The following ZFYVE16 variants were observed in gnomAD, a reference collection of about 807,000 sequenced individuals.
ZFYVE16 encodes the protein zinc finger FYVE domain-containing protein 16.
A neutral mutation model predicts 138.1 loss-of-function variants in ZFYVE16; 89 were observed. The ratio of observed to expected loss-of-function variants is 0.64; its 90% confidence interval spans 0.54 to 0.77. The LOEUF (loss-of-function observed/expected upper bound fraction) is 0.77. ZFYVE16 is among the 30% of genes least tolerant of loss of function. ZFYVE16 has a pLI of 0.00. For synonymous variants in ZFYVE16, 596 were observed against 618.3 expected (o/e 0.96, Z 0.53); for missense variants, 1,793 against 1,786.7 (o/e 1.00, Z -0.06).
At chr5:80,455,475 A>C (rs111753038) in intron 11 of ZFYVE16, 8 of 452,570 alleles carry the variant, frequency 1.8e-5, no homozygotes, top group Admixed American at 4.2e-5. Context: ...TGGAGGTTGC[A>C]ATGAGTCGAG....
At chr5:80,450,267 TCTTA>T (rs3072025) in intron 9 of ZFYVE16, among the ~76,000 whole-genome samples, 160 bp from the exon 10 acceptor site, 117,558 of 151,560 alleles carry the variant, frequency 0.78, 48,762 homozygotes, top group East Asian at 0.92. Context: ...TAATCCTTTT[TCTTA>T]CTTTATATAA....
At chr5:80,445,786 T>C (rs908284488) in intron 7 of ZFYVE16, among the ~76,000 whole-genome samples, 3 of 151,666 alleles carry the variant, frequency 2.0e-5, no homozygotes, top group Admixed American at 6.6e-5. Flanking sequence ...AGAGATGTGG[T>C]CTCACTATTT....
chr5:80,416,204 A>G (rs1013628378), intron 1 of ZFYVE16, among the ~76,000 whole-genome samples: 1 of 149,990 alleles, frequency 6.7e-6, no homozygotes, highest in Non-Finnish European at 1.5e-5. Context: ...CTTTTCCCCA[A>G]TTATTTATTC....
At chr5:80,443,527 G>T (rs1750956094) in intron 6 of ZFYVE16, among the ~76,000 whole-genome samples, 1 of 152,186 alleles carries the variant, frequency 6.6e-6, no homozygotes, top group Non-Finnish European at 1.5e-5. Context: ...CTACAAAAGG[G>T]GAGAGGCTAG....
chr5:80,457,611 A>G (rs1752650615), intron 14 of ZFYVE16, among the ~76,000 whole-genome samples: 1 of 152,240 alleles, frequency 6.6e-6, no homozygotes, highest in East Asian at 1.9e-4. Flanking sequence ...TAAAATTAAT[A>G]TATTATTATA....
intron 3 of ZFYVE16, among the ~76,000 whole-genome samples, chr5:80,434,602 A>G (rs1276651760): frequency 4.6e-5 from 7 of 151,788 alleles, no homozygotes; most frequent in Non-Finnish European, 7.4e-5. Context: ...TCAGCCTCCA[A>G]GTGGGACCAT....
chr5:80,461,603 G>A (rs111313110), intron 15 of ZFYVE16, among the ~76,000 whole-genome samples: 1 of 152,166 alleles, frequency 6.6e-6, no homozygotes, highest in African/African-American at 2.4e-5. Context: ...TTCTGGTAAG[G>A]CTTGTCTCCT....
intron 2 of ZFYVE16, among the ~76,000 whole-genome samples, chr5:80,431,562 A>G (rs1289324086): frequency 2.0e-5 from 3 of 152,338 alleles, no homozygotes; most frequent in Non-Finnish European, 2.9e-5. Context: ...ACTCCTATTC[A>G]ACATAGTTTT....
chr5:80,418,212 T>G (rs1214477962), intron 1 of ZFYVE16, among the ~76,000 whole-genome samples: 2 of 150,484 alleles, frequency 1.3e-5, no homozygotes, highest in East Asian at 4.0e-4. Flanking sequence ...TCTCTCCTCT[T>G]TCTCCTCTCC....
chr5:80,473,963 A>AT (rs1754642271), intron 17 of ZFYVE16, 104 bp downstream of exon 17: 1 of 777,268 alleles, frequency 1.3e-6, no homozygotes, highest in Non-Finnish European at 2.1e-6. Flanking sequence ...ATAGCTTATT[A>AT]TACTTTTTAT....
At chr5:80,470,230 T>C (rs1384952185) in intron 15 of ZFYVE16, among the ~76,000 whole-genome samples, 2 of 150,510 alleles carry the variant, frequency 1.3e-5, no homozygotes, top group Non-Finnish European at 3.0e-5. Flanking sequence ...GCCTCCCGAG[T>C]AGCTGGGACT....
chr5:80,433,967 A>C, intron 2 of ZFYVE16, 142 bp from the exon 3 acceptor site: 2 of 518,326 alleles, frequency 3.9e-6, no homozygotes, highest in Non-Finnish European at 3.3e-6. Flanking sequence ...AGTTTCCCCA[A>C]CTAAATTGTA....
At chr5:80,408,727 A>G (rs1235560965) in intron 1 of ZFYVE16, among the ~76,000 whole-genome samples, 1 of 152,222 alleles carries the variant, frequency 6.6e-6, no homozygotes, top group Non-Finnish European at 1.5e-5. Context: ...AGAGGACCTT[A>G]TTTTTAACTC....
intron 1 of ZFYVE16, among the ~76,000 whole-genome samples, chr5:80,416,216 A>T (rs1025076340): frequency 6.9e-6 from 1 of 145,482 alleles, no homozygotes. Flanking sequence ...TATTTATTCA[A>T]TCATTTACTT....
intron 7 of ZFYVE16, among the ~76,000 whole-genome samples, chr5:80,446,330 TATTAAA>T (rs1459770557): frequency 3.9e-5 from 6 of 152,166 alleles, no homozygotes; most frequent in Non-Finnish European, 8.8e-5. Flanking sequence ...ATAATTACTA[TATTAAA>T]ATTAAAATTC....
chr5:80,433,733 C>A (rs535114353), intron 2 of ZFYVE16, among the ~76,000 whole-genome samples: 3 of 151,876 alleles, frequency 2.0e-5, no homozygotes, highest in Admixed American at 2.0e-4. Flanking sequence ...CTAAGTATCT[C>A]TTGAAGTACC....
chr5:80,473,404 T>C (rs750068813), intron 16 of ZFYVE16, among the ~76,000 whole-genome samples: 2 of 152,164 alleles, frequency 1.3e-5, no homozygotes, highest in Non-Finnish European at 2.9e-5. Context: ...TTTTTTGAGA[T>C]TGGCTAAGGG....
At chr5:80,409,915 G>A (rs897266962) in intron 1 of ZFYVE16, 1 of 152,142 alleles carries the variant, frequency 6.6e-6, no homozygotes, top group Non-Finnish European at 1.5e-5. Context: ...ATGTTTTCTG[G>A]TGTATGCGTG....
chr5:80,423,568 C>T (rs940901200), intron 1 of ZFYVE16, among the ~76,000 whole-genome samples: 3 of 152,070 alleles, frequency 2.0e-5, no homozygotes, highest in Non-Finnish European at 4.4e-5. Flanking sequence ...TGGAGTCTTG[C>T]TCTGTTGCCC....
Sources: gnomAD v4.1 joint callset for allele counts (sites outside exome capture counted in the v4.1 genomes callset) on GRCh38, gnomAD v4.1.1 for gene constraint, MANE v1.5 for transcripts, NCBI Gene and HGNC (gene_info 2026-07-23, HGNC 2026-07-21) for gene names.